CABP1: variants seen among roughly 807,000 people sequenced by gnomAD.
CABP1 encodes calcium-binding protein 1.
A neutral mutation model predicts 34.3 loss-of-function variants in CABP1; 17 were observed. That is an observed-to-expected ratio of 0.50 (90% CI 0.34 to 0.74). The LOEUF (loss-of-function observed/expected upper bound fraction) is 0.74. CABP1 is among the 30% of genes least tolerant of loss of function. The pLI, the probability that CABP1 is intolerant of heterozygous loss-of-function variation, is 0.01. For synonymous variants in CABP1, 198 were observed against 229.2 expected (o/e 0.86, Z 1.23); for missense variants, 373 against 511.1 (o/e 0.73, Z 2.61).
Position 120,640,683 on chromosome 12 carries a change from C to T in CABP1, c.-3C>T, listed in dbSNP as rs1565992312. On this transcript the variant is annotated 5_prime_UTR_variant, in exon 1 of 6. Coordinates refer to ENST00000316803, the MANE Select transcript of CABP1 (RefSeq NM_001033677.2). This position sits in a 1 kb window ranked among gnomAD's most constrained non-coding sequence, Gnocchi z 6.2. ...GCTCCGGGCGTAGAGGCTGCGCTGT[C>T]ACATGGGCGGCGGCGACGGGGCCGC... The T allele has an allele frequency of 8.5e-7, 1 of 1,175,332 alleles. No individual in the cohort carries two copies. Among genetic ancestry groups the T allele is most frequent in the East Asian group, 3.7e-5 (1 of 26,732 alleles). The allele number at this position is 1,175,332 out of a possible 1,614,324, so 72.8% of individuals were successfully genotyped here. A position where few individuals can be genotyped will look rare whatever the true frequency, so the allele number is the denominator to read the frequency against.
rs761773462 is a variant in CABP1, at chr12:120,655,846, TGTGTGC to T, written c.655-4030_655-4025del. The T allele has an allele frequency of 1.9e-4, 281 of 1,504,348 alleles. No homozygotes were observed. The African/African-American group carries it at 2.2e-3, about 12-fold the overall frequency. The allele number at this position is 1,504,348 out of a possible 1,614,324, so 93.2% of individuals were successfully genotyped here. On this transcript the variant is annotated intron_variant, in intron 1 of 5. Transcript: ENST00000316803. ...GCGTGCGTGCGTGTGTGTGTGTGTG[TGTGTGC>T]GCATGTGCCACACAGAGGGCATCAC...
chr12:120,641,385 G>A lies in CABP1; in HGVS notation c.654+46G>A. On this transcript the variant is annotated intron_variant, in intron 1 of 5. Transcript: ENST00000316803. This position sits in a 1 kb window ranked among gnomAD's most constrained non-coding sequence, Gnocchi z 6.7. ...CAGCGCTCCCGGGAAAGGCGCTCGGGACCCTGCCGGCCGCGGTTGCGCGTC... is the reference window on the plus strand; with the variant it reads ...CAGCGCTCCCGGGAAAGGCGCTCGGAACCCTGCCGGCCGCGGTTGCGCGTC... 8.0e-7 allele frequency: 1 copy of A among 1,246,224 alleles called. No individual in the cohort carries two copies. Among genetic ancestry groups the A allele is most frequent in the Non-Finnish European group, 1.0e-6 (1 of 994,510 alleles). 77.2% of individuals were successfully genotyped at this position (1,246,224 alleles called of 1,614,324 possible).
At position 120,644,520 on chromosome 12, in the gene CABP1, C is replaced by T. The variant is rs1879465230; in HGVS notation, c.654+3181C>T. ...TCGGCAGAGGCATGATGACATGGGG[C>T]TTTAGGTCTTGGAAGACTATTTTAA... On this transcript the variant is annotated intron_variant, in intron 1 of 5. Coordinates refer to ENST00000316803, the MANE Select transcript of CABP1 (RefSeq NM_001033677.2). Among the ~76,000 whole-genome samples, 3 of 152,110 alleles carry T rather than the reference C, an allele frequency of 2.0e-5. No homozygotes were observed. In the South Asian group the frequency reaches 6.2e-4, roughly 32 times the overall value.
chr12:120,679,087 A>AAC, the CABP1 span, among the ~76,000 whole-genome samples: 2 of 151,536 alleles, frequency 1.3e-5, no homozygotes, highest in African/African-American at 4.9e-5. Context: ...AAAAAAAAAA[A>AAC]AAAAAACCAA....
chr12:120,660,259 T>A lies in CABP1; in HGVS notation c.749T>A (p.Leu250Gln). The A allele has an allele frequency of 6.2e-7, 1 of 1,614,186 alleles. No homozygotes were observed. The highest frequency in any genetic ancestry group is 2.2e-5 in the East Asian group (1 of 44,890). ...GATGGCTACATCAACTGCCGGGATC[T>A]GGGCAACTGCATGCGCACCATGGGC... Reference protein sequence around the residue: ...DKDGYINCRDLGNCMRTMGYM... With the variant: ...DKDGYINCRDQGNCMRTMGYM... The change falls in exon 3 of 6, where the codon CTG becomes CAG. Residue 250 changes from leucine to glutamine, a missense_variant. Physicochemically the swap from Leu to Gln is moderately radical, Grantham distance 113. Coordinates refer to ENST00000316803, the MANE Select transcript of CABP1 (RefSeq NM_001033677.2). This position sits in a 1 kb window ranked among gnomAD's most constrained non-coding sequence, Gnocchi z 5.0.
intron 1 of CABP1, chr12:120,650,416 C>A (rs918683628): frequency 2.5e-5 from 32 of 1,260,664 alleles, no homozygotes; most frequent in Middle Eastern, 2.8e-4. Context: ...CACACACAAA[C>A]ACACACACAA....
chr12:120,656,956 T>G (rs1207360604), intron 1 of CABP1, among the ~76,000 whole-genome samples: 1 of 152,056 alleles, frequency 6.6e-6, no homozygotes, highest in Non-Finnish European at 1.5e-5. Context: ...TAACAGCTTG[T>G]TGGTGGTAGA....
intron 5 of CABP1, among the ~76,000 whole-genome samples, chr12:120,663,888 G>A (rs1456130825): frequency 6.6e-6 from 1 of 152,180 alleles, no homozygotes; most frequent in Non-Finnish European, 1.5e-5. Flanking sequence ...ACAGGGAAAG[G>A]GTAAAATGTT....
intron 1 of CABP1, chr12:120,655,907 G>A (rs752839613): frequency 7.8e-6 from 12 of 1,536,442 alleles, no homozygotes; most frequent in South Asian, 4.8e-5. Flanking sequence ...CACCATTTCC[G>A]TCAAGGATTG....
the CABP1 span, among the ~76,000 whole-genome samples, chr12:120,672,601 CA>C: frequency 0.39 from 38,312 of 99,168 alleles, 5,644 homozygotes; most frequent in East Asian, 0.54. Context: ...CATTGCACTC[CA>C]AAAAAAAAAA....
At chr12:120,648,700 G>A (rs1470165383) in intron 1 of CABP1, among the ~76,000 whole-genome samples, 1 of 151,952 alleles carries the variant, frequency 6.6e-6, no homozygotes, top group Non-Finnish European at 1.5e-5. Flanking sequence ...GTTCAACATG[G>A]TGAAACCCCA....
At position 120,641,299 on chromosome 12, in the gene CABP1, TC is replaced by T; in HGVS notation, c.616del (p.His206ThrfsTer70). ...PAAASEADPF[L>X]HRLRPMLSSA... is the part of the protein sequence containing the mutation. Reference sequence around the variant, plus strand: ...GCCGCGTCCGAGGCGGACCCGTTCCTCCACCGGCTGCGCCCCATGCTCAGCT... The same window carrying T: ...GCCGCGTCCGAGGCGGACCCGTTCCTCACCGGCTGCGCCCCATGCTCAGCT... On this transcript the variant is annotated frameshift_variant, in exon 1 of 6. Transcript: ENST00000316803. LOFTEE classifies it high-confidence loss of function. This position sits in a 1 kb window ranked among gnomAD's most constrained non-coding sequence, Gnocchi z 6.7. 1 of 1,328,252 alleles carries T rather than the reference TC, an allele frequency of 7.5e-7. No individual in the cohort carries two copies. Among genetic ancestry groups the T allele is most frequent in the South Asian group, 2.0e-5 (1 of 50,336 alleles). The allele number at this position is 1,328,252 out of a possible 1,614,324, so 82.3% of individuals were successfully genotyped here.
At chr12:120,653,841 G>A (rs946202063) in intron 1 of CABP1, among the ~76,000 whole-genome samples, 18 of 152,278 alleles carry the variant, frequency 1.2e-4, no homozygotes, top group African/African-American at 4.3e-4. Context: ...CCCGCCTCTT[G>A]GAGTTCTGTG....
Position 120,660,504 on chromosome 12 carries a change from G to A in CABP1, c.829+165G>A, listed in dbSNP as rs1386943361. Among the ~76,000 whole-genome samples, 3 of 152,230 alleles carry A rather than the reference G, an allele frequency of 2.0e-5. No homozygotes were observed. Among genetic ancestry groups the A allele is most frequent in the South Asian group, 2.1e-4 (1 of 4,830 alleles). ...GCCTCAGTTTCCTCACCTGTAAAAT[G>A]AGGGCCGAATTGGAGGAGTGGAGCC... On this transcript the variant is annotated intron_variant, in intron 3 of 5. Coordinates refer to ENST00000316803, the MANE Select transcript of CABP1 (RefSeq NM_001033677.2). The surrounding 1 kb of genome is among the most constrained non-coding windows in gnomAD (Gnocchi z 5.0).
chr12:120,679,679 T>A, the CABP1 span, among the ~76,000 whole-genome samples: 1 of 151,536 alleles, frequency 6.6e-6, no homozygotes, highest in Non-Finnish European at 1.5e-5. Context: ...AATACAAAAT[T>A]ACCTGGGCAT....
rs986154739 is a variant in CABP1, at chr12:120,667,201, C to A, written c.*301C>A. 5.6e-6 allele frequency: 3 copies of A among 535,814 alleles called. No individual in the cohort carries two copies. Among genetic ancestry groups the A allele is most frequent in the Non-Finnish European group, 1.0e-5 (3 of 296,930 alleles). 33.2% of individuals were successfully genotyped at this position (535,814 alleles called of 1,614,324 possible). A position where few individuals can be genotyped will look rare whatever the true frequency, so the allele number is the denominator to read the frequency against. On this transcript the variant is annotated 3_prime_UTR_variant, in exon 6 of 6. Transcript: ENST00000316803. ...GCTGCTGGCTGGGTGGGCCAGGGAGCCCGCCAGCAGACCCCACACAGCATG... is the reference window on the plus strand; with the variant it reads ...GCTGCTGGCTGGGTGGGCCAGGGAGACCGCCAGCAGACCCCACACAGCATG...
the CABP1 span, among the ~76,000 whole-genome samples, chr12:120,678,842 G>A: frequency 4.6e-4 from 70 of 152,150 alleles, no homozygotes; most frequent in Non-Finnish European, 7.1e-4. Context: ...GATGCTGAGG[G>A]GGGGGCAGAT....
chr12:120,669,678 C>T (rs1881183088), downstream of CABP1, among the ~76,000 whole-genome samples: 1 of 151,752 alleles, frequency 6.6e-6, no homozygotes, highest in Non-Finnish European at 1.5e-5. Context: ...TGCTTGAACA[C>T]GAGAGGCGGA....
chr12:120,671,854 G>A (rs1281878130), downstream of CABP1, among the ~76,000 whole-genome samples: 2 of 152,092 alleles, frequency 1.3e-5, no homozygotes, highest in South Asian at 2.1e-4. Flanking sequence ...ATCACTTGAA[G>A]CCAGGGGTTC....
Sources: gnomAD v4.1 joint callset for allele counts (sites outside exome capture counted in the v4.1 genomes callset) on GRCh38, gnomAD v4.1.1 for gene constraint, Gnocchi (gnomAD v3.1) non-coding constraint, MANE v1.5 for transcripts, NCBI Gene and HGNC (gene_info 2026-07-23, HGNC 2026-07-21) for gene names.